KCNB2: variants seen among roughly 807,000 people sequenced by gnomAD.
The protein encoded by KCNB2 is potassium voltage-gated channel subfamily B member 2, also known as delayed rectifier potassium channel protein.
Under a neutral mutation model 61.5 loss-of-function variants are expected in KCNB2, and 15 were observed. The ratio of observed to expected loss-of-function variants is 0.24; its 90% CI spans 0.16 to 0.38. KCNB2 has a LOEUF of 0.38. Ranked by LOEUF, KCNB2 falls within the 10% of genes least tolerant of loss-of-function variation. The probability of loss-of-function intolerance (pLI) is 1.00; values close to 1 mark genes in which losing one functional copy is unlikely to be tolerated. For synonymous variants in KCNB2, 457 were observed against 446.0 expected, an observed-to-expected ratio of 1.02 and a Z score of -0.31; for missense variants, 828 against 1,125.2, an observed-to-expected ratio of 0.74 and a Z score of 3.78.
Position 72,851,840 on chromosome 8 carries a change from A to AACAAAACAAAAC in KCNB2, c.580-84094_580-84093insCAAAACAAAACA, listed in dbSNP as rs1554538998. Reference sequence around the variant, plus strand: ...AGAAGCTGTAGGAAAAAAAAAAAAAAAAAAAAAACACGTACTGCTGAGTTC... The same window carrying AACAAAACAAAAC: ...AGAAGCTGTAGGAAAAAAAAAAAAAAACAAAACAAAACAAAAAAAACACGTACTGCTGAGTTC... On this transcript the variant is annotated intron_variant, in intron 2 of 2. Transcript: ENST00000523207. Among the ~76,000 whole-genome samples, 48 of 134,538 alleles carry AACAAAACAAAAC rather than the reference A, an allele frequency of 3.6e-4. 2 individuals are homozygous for AACAAAACAAAAC. The highest frequency in any genetic ancestry group is 2.6e-3 in the Admixed American group (35 of 13,312). The allele number at this position is 134,538 out of a possible 152,430, so 88.3% of individuals were successfully genotyped here.
intron 2 of KCNB2, among the ~76,000 whole-genome samples, chr8:72,576,444 G>A (rs989994479): frequency 1.3e-5 from 2 of 152,198 alleles, no homozygotes; most frequent in African/African-American, 2.4e-5. Context: ...TGGCATAGTA[G>A]AGATTTATAA....
intron 2 of KCNB2, among the ~76,000 whole-genome samples, chr8:72,765,915 C>A (rs1028208675): frequency 1.3e-5 from 2 of 152,174 alleles, no homozygotes; most frequent in East Asian, 3.9e-4. Flanking sequence ...TCTCTTTTAT[C>A]CCAACAACTA....
intron 2 of KCNB2, among the ~76,000 whole-genome samples, chr8:72,864,618 T>G (rs1285881560): frequency 1.3e-5 from 2 of 152,234 alleles, no homozygotes; most frequent in African/African-American, 4.8e-5. Flanking sequence ...AGGTTTCTGA[T>G]GCATTCTGTG....
chr8:72,899,080 G>C lies in KCNB2; in HGVS notation c.580-36855G>C, dbSNP rs147318494. Among the ~76,000 whole-genome samples, 28 of 152,218 alleles carry C rather than the reference G, an allele frequency of 1.8e-4. 1 individual carries two copies. Among genetic ancestry groups the C allele is most frequent in the African/African-American group, 6.0e-4 (25 of 41,544 alleles). On this transcript the variant is annotated intron_variant, in intron 2 of 2. Transcript: ENST00000523207. ...GGCTTTAATCCTGGGATGCAAGGCA[G>C]GTTCAACATATGCAAATCAATAAAC...
intron 2 of KCNB2, among the ~76,000 whole-genome samples, chr8:72,929,925 A>G (rs1806742663): frequency 6.7e-6 from 1 of 148,746 alleles, no homozygotes; most frequent in African/African-American, 2.5e-5. Context: ...CATTAGGTAT[A>G]TCTCCTAATG....
chr8:72,782,912 A>G (rs1007232671), intron 2 of KCNB2, among the ~76,000 whole-genome samples: 2 of 152,126 alleles, frequency 1.3e-5, no homozygotes, highest in African/African-American at 4.8e-5. Context: ...GAACCTTTCA[A>G]GCAATTGTTA....
chr8:72,594,099 A>G (rs1807148212), intron 2 of KCNB2, among the ~76,000 whole-genome samples: 1 of 152,190 alleles, frequency 6.6e-6, no homozygotes. Flanking sequence ...CTACCTGAGG[A>G]AATGATAATT....
chr8:72,834,946 A>T (rs938500120), intron 2 of KCNB2, among the ~76,000 whole-genome samples: 1 of 152,210 alleles, frequency 6.6e-6, no homozygotes, highest in South Asian at 2.1e-4. Flanking sequence ...GCCAGTGCTA[A>T]TGATTGGAAA....
chr8:72,539,906 T>C (rs1284546953), intron 1 of KCNB2, among the ~76,000 whole-genome samples: 1 of 152,170 alleles, frequency 6.6e-6, no homozygotes, highest in African/African-American at 2.4e-5. Flanking sequence ...ACTTCCTGCC[T>C]TTTTAACACT....
intron 2 of KCNB2, among the ~76,000 whole-genome samples, chr8:72,654,472 A>G (rs935899062): frequency 6.6e-6 from 1 of 152,196 alleles, no homozygotes; most frequent in African/African-American, 2.4e-5. Flanking sequence ...GATAACCAAT[A>G]CTTAGTAAAT....
intron 2 of KCNB2, among the ~76,000 whole-genome samples, chr8:72,666,487 A>T (rs974804343): frequency 4.6e-5 from 7 of 152,206 alleles, no homozygotes; most frequent in African/African-American, 1.7e-4. Flanking sequence ...TGTAATTTTC[A>T]TACCACTATC....
chr8:72,847,345 TG>T (rs1810013103), intron 2 of KCNB2, among the ~76,000 whole-genome samples: 1 of 152,206 alleles, frequency 6.6e-6, no homozygotes, highest in African/African-American at 2.4e-5. Flanking sequence ...CGCCCCCTTG[TG>T]GTCTTCCCAT....
chr8:72,592,228 CTT>C (rs988978805), intron 2 of KCNB2, among the ~76,000 whole-genome samples: 12 of 152,042 alleles, frequency 7.9e-5, no homozygotes, highest in African/African-American at 2.9e-4. Context: ...TTAAGAATGA[CTT>C]TGTGATTTTC....
At chr8:72,670,601 C>G (rs922667158) in intron 2 of KCNB2, among the ~76,000 whole-genome samples, 2 of 152,168 alleles carry the variant, frequency 1.3e-5, no homozygotes, top group African/African-American at 4.8e-5. Context: ...TTTCCTCTCC[C>G]TACTCAAGGC....
intron 2 of KCNB2, among the ~76,000 whole-genome samples, chr8:72,934,367 A>G (rs376320227): frequency 6.1e-5 from 9 of 148,640 alleles, no homozygotes; most frequent in East Asian, 6.0e-4. Flanking sequence ...GGATGACAGA[A>G]CAAAACCTTT....
chr8:72,824,043 A>G (rs923772380), intron 2 of KCNB2, among the ~76,000 whole-genome samples: 11 of 152,212 alleles, frequency 7.2e-5, no homozygotes, highest in African/African-American at 2.7e-4. Flanking sequence ...CAGTATGAGT[A>G]ATATTGTTCT....
At chr8:72,653,230 A>G (rs183453209) in intron 2 of KCNB2, among the ~76,000 whole-genome samples, 10 of 152,268 alleles carry the variant, frequency 6.6e-5, no homozygotes, top group Non-Finnish European at 1.2e-4. Flanking sequence ...CTCCATGAAA[A>G]TATCTCTTGG....
chr8:72,861,038 T>A (rs964811373), intron 2 of KCNB2, among the ~76,000 whole-genome samples: 3 of 152,220 alleles, frequency 2.0e-5, no homozygotes, highest in African/African-American at 7.2e-5. Context: ...ATTATCTGGC[T>A]TAGAAGAATC....
At chr8:72,679,231 C>T (rs1255057207) in intron 2 of KCNB2, among the ~76,000 whole-genome samples, 2 of 152,140 alleles carry the variant, frequency 1.3e-5, no homozygotes, top group East Asian at 3.9e-4. Flanking sequence ...AGTTAAATAA[C>T]CTAAAGCAGT....
Sources: gnomAD v4.1 joint callset for allele counts (sites outside exome capture counted in the v4.1 genomes callset) on GRCh38, gnomAD v4.1.1 for gene constraint, MANE v1.5 for transcripts, NCBI Gene and HGNC (gene_info 2026-07-23, HGNC 2026-07-21) for gene names.